DOCK3: variants seen among roughly 807,000 people sequenced by gnomAD.
DOCK3 encodes the protein dedicator of cytokinesis 3, also known as dedicator of cytokinesis protein 3.
Under a neutral mutation model 265.6 loss-of-function variants are expected in DOCK3, and 60 were observed. That is an observed-to-expected ratio of 0.23 (90% CI 0.18 to 0.28). DOCK3 has a LOEUF of 0.28. Among genes scored for constraint, DOCK3 ranks in the 10% least tolerant of loss-of-function variants. The pLI is 1.00. For missense variants in DOCK3, 1,981 were observed against 2,594.3 expected (o/e 0.76, Z 5.14); for synonymous variants, 881 against 938.0 (o/e 0.94, Z 1.11).
intron 38 of DOCK3, among the ~76,000 whole-genome samples, chr3:51,344,951 A>T (rs950253925): frequency 6.6e-6 from 1 of 152,228 alleles, no homozygotes; most frequent in African/African-American, 2.4e-5. Flanking sequence ...GATGCCGGCA[A>T]GATAGATGAG....
intron 1 of DOCK3, among the ~76,000 whole-genome samples, chr3:50,751,270 TTAAC>T (rs1258019972): frequency 3.2e-5 from 4 of 125,406 alleles, no homozygotes; most frequent in Non-Finnish European, 3.8e-5. Context: ...TTTTTTTTTT[TTAAC>T]TTTAAGTTCT....
chr3:50,789,473 G>A (rs1576439751), intron 2 of DOCK3, among the ~76,000 whole-genome samples: 1 of 152,176 alleles, frequency 6.6e-6, no homozygotes. Context: ...AGAATGTTCT[G>A]TAAATATCTG....
intron 38 of DOCK3, 23 bp from the exon 39 acceptor site, chr3:51,348,829 C>T: frequency 6.4e-7 from 1 of 1,558,604 alleles, no homozygotes; most frequent in Non-Finnish European, 8.7e-7. Context: ...GATGCTGAAG[C>T]CCTGTTTCTG....
intron 5 of DOCK3, among the ~76,000 whole-genome samples, chr3:51,019,669 C>T (rs1377539822): frequency 6.6e-6 from 1 of 151,688 alleles, no homozygotes; most frequent in East Asian, 1.9e-4. Flanking sequence ...TTCCCCAACC[C>T]CACCATGCAT....
chr3:51,032,437 G>T (rs2080088998), intron 5 of DOCK3, among the ~76,000 whole-genome samples: 1 of 151,976 alleles, frequency 6.6e-6, no homozygotes, highest in African/African-American at 2.4e-5. Flanking sequence ...TATTAATTTT[G>T]ACATTGGTAT....
chr3:51,324,705 G>T (rs2083977127), intron 32 of DOCK3, among the ~76,000 whole-genome samples: 1 of 152,114 alleles, frequency 6.6e-6, no homozygotes, highest in Non-Finnish European at 1.5e-5. Context: ...CATGGTACTG[G>T]TACCAAAACA....
intron 1 of DOCK3, among the ~76,000 whole-genome samples, chr3:50,772,402 A>T (rs540684403): frequency 2.0e-5 from 3 of 152,334 alleles, no homozygotes; most frequent in African/African-American, 7.2e-5. Context: ...CAACAGGGTG[A>T]CTATGGTCAG....
At chr3:50,923,829 G>A (rs1352628256) in intron 4 of DOCK3, among the ~76,000 whole-genome samples, 1 of 152,164 alleles carries the variant, frequency 6.6e-6, no homozygotes, top group Non-Finnish European at 1.5e-5. Context: ...TGTGCAGAGG[G>A]ATGCTGTAGT....
intron 27 of DOCK3, among the ~76,000 whole-genome samples, chr3:51,304,922 A>G (rs2082569006): frequency 6.6e-6 from 1 of 152,026 alleles, no homozygotes; most frequent in Non-Finnish European, 1.5e-5. Context: ...CACCCCTCTG[A>G]TTTTACTTCT....
At chr3:50,765,150 C>T (rs1225688706) in intron 1 of DOCK3, among the ~76,000 whole-genome samples, 2 of 141,482 alleles carry the variant, frequency 1.4e-5, no homozygotes, top group African/African-American at 2.6e-5. Context: ...GGCGCAATCT[C>T]GGCTCACTGT....
intron 9 of DOCK3, among the ~76,000 whole-genome samples, chr3:51,129,113 C>G (rs2084395998): frequency 6.6e-6 from 1 of 152,224 alleles, no homozygotes; most frequent in African/African-American, 2.4e-5. Flanking sequence ...ACCATCCAGC[C>G]AAACCATTGA....
At chr3:51,070,137 G>T (rs1274774541) in intron 6 of DOCK3, among the ~76,000 whole-genome samples, 13 of 152,144 alleles carry the variant, frequency 8.5e-5, no homozygotes, top group Admixed American at 6.5e-5. Context: ...ATTATAACCT[G>T]CACTCAGCAC....
Position 51,343,216 on chromosome 3 carries a change from A to C in DOCK3, c.3915+1831A>C, listed in dbSNP as rs189252604. The stretch of plus-strand genomic sequence containing the variant: ...GAGAAGGGCAAGGAAAGAAAGGAGG[A>C]GCAGGTAGTGAGTTTCTAGCTCTCA... On this transcript the variant is annotated intron_variant, in intron 38 of 52. Transcript: ENST00000266037. Among the ~76,000 whole-genome samples the C allele has an allele frequency of 9.1e-4, 138 of 152,292 alleles. 1 individual carries two copies. The highest frequency in any genetic ancestry group is 9.0e-3 in the Admixed American group (138 of 15,294).
chr3:50,711,722 G>T (rs564923609), intron 1 of DOCK3, among the ~76,000 whole-genome samples: 2 of 152,108 alleles, frequency 1.3e-5, no homozygotes, highest in African/African-American at 4.8e-5. Flanking sequence ...CTTTCCTTTC[G>T]TTTTGGAAGA....
intron 23 of DOCK3, among the ~76,000 whole-genome samples, 180 bp from the exon 24 acceptor site, chr3:51,270,623 GTTTTGGTTTCCT>G (rs2108872724): frequency 6.6e-6 from 1 of 152,290 alleles, no homozygotes; most frequent in Admixed American, 6.5e-5. Flanking sequence ...AAATTATCTT[GTTTTGGTTTCCT>G]TTTTGGTTTT....
chr3:50,681,999 T>C (rs2034449129), intron 1 of DOCK3, among the ~76,000 whole-genome samples: 1 of 152,270 alleles, frequency 6.6e-6, no homozygotes, highest in Non-Finnish European at 1.5e-5. Flanking sequence ...ACATTCTTCC[T>C]TATTGAGTAG....
intron 3 of DOCK3, among the ~76,000 whole-genome samples, chr3:50,863,914 A>G (rs2609028): frequency 0.099 from 15,091 of 152,246 alleles, 923 homozygotes; most frequent in Non-Finnish European, 0.13. Context: ...TAATGCTCCA[A>G]TAAACGTAGG....
At chr3:51,193,587 C>T (rs1280911433) in intron 12 of DOCK3, among the ~76,000 whole-genome samples, 2 of 152,086 alleles carry the variant, frequency 1.3e-5, no homozygotes, top group Non-Finnish European at 2.9e-5. Context: ...CTGATATAAT[C>T]TTGCTATGCA....
At chr3:50,791,387 C>T (rs940522890) in intron 2 of DOCK3, among the ~76,000 whole-genome samples, 6 of 151,614 alleles carry the variant, frequency 4.0e-5, no homozygotes, top group African/African-American at 1.5e-4. Flanking sequence ...CCTCAGCCTC[C>T]CAAGTAGCAG....
Sources: gnomAD v4.1 joint callset for allele counts (sites outside exome capture counted in the v4.1 genomes callset) on GRCh38, gnomAD v4.1.1 for gene constraint, MANE v1.5 for transcripts, NCBI Gene and HGNC (gene_info 2026-07-23, HGNC 2026-07-21) for gene names.